The following WWOX variants were observed in gnomAD, a reference collection of about 807,000 sequenced individuals.
WWOX encodes WW domain-containing oxidoreductase.
In WWOX, 69 loss-of-function variants were observed where a neutral mutation model predicts 46.2. That is an observed-to-expected ratio of 1.49 (90% CI 1.23 to 1.82). The LOEUF (loss-of-function observed/expected upper bound fraction) is 1.82. Among genes scored for constraint, WWOX ranks in the 40% most tolerant of loss-of-function variants. The pLI, the probability that WWOX is intolerant of heterozygous loss-of-function variation, is 0.00. For synonymous variants in WWOX, 359 were observed against 202.6 expected (o/e 1.77, Z -6.56); for missense variants, 919 against 542.6 (o/e 1.69, Z -6.89).
chr16:78,794,764 C>G (rs769092338), intron 8 of WWOX, among the ~76,000 whole-genome samples: 2 of 152,142 alleles, frequency 1.3e-5, no homozygotes, highest in Non-Finnish European at 2.9e-5. Context: ...AGATGGAGAC[C>G]CATGTGTTCA....
chr16:78,293,823 A>G (rs991125257), intron 5 of WWOX, among the ~76,000 whole-genome samples: 1 of 151,702 alleles, frequency 6.6e-6, no homozygotes, highest in Non-Finnish European at 1.5e-5. Flanking sequence ...TAAAAATACA[A>G]AAATTAGCCA....
chr16:78,334,833 T>TACACAC (rs907694061), intron 5 of WWOX, among the ~76,000 whole-genome samples: 11 of 104,452 alleles, frequency 1.1e-4, no homozygotes, highest in South Asian at 4.1e-4. Context: ...CACACACACA[T>TACACAC]ACACACACAC....
At chr16:78,550,047 G>A (rs1844437613) in intron 8 of WWOX, among the ~76,000 whole-genome samples, 1 of 152,196 alleles carries the variant, frequency 6.6e-6, no homozygotes, top group Non-Finnish European at 1.5e-5. Flanking sequence ...AATGTTCATG[G>A]TTGAATGAAG....
At chr16:78,643,288 T>C (rs938937868) in intron 8 of WWOX, among the ~76,000 whole-genome samples, 62 of 152,170 alleles carry the variant, frequency 4.1e-4, no homozygotes, top group Non-Finnish European at 4.4e-5. Flanking sequence ...CCAAGCATAG[T>C]CATATTTGGC....
chr16:78,596,770 A>G (rs2045501099), intron 8 of WWOX, among the ~76,000 whole-genome samples: 1 of 151,798 alleles, frequency 6.6e-6, no homozygotes, highest in Non-Finnish European at 1.5e-5. Flanking sequence ...GTGAGTACAC[A>G]GCCATGAAAA....
At chr16:79,117,818 A>G (rs1307616761) in intron 8 of WWOX, among the ~76,000 whole-genome samples, 1 of 152,178 alleles carries the variant, frequency 6.6e-6, no homozygotes, top group Non-Finnish European at 1.5e-5. Context: ...TTTCTTCTGC[A>G]GCTTCCTCAC....
chr16:79,145,820 GA>G (rs756241222), intron 8 of WWOX, among the ~76,000 whole-genome samples: 59 of 151,924 alleles, frequency 3.9e-4, no homozygotes, highest in African/African-American at 1.4e-3. Flanking sequence ...GATGGAGATA[GA>G]AAAAAACCCC....
intron 6 of WWOX, among the ~76,000 whole-genome samples, chr16:78,409,179 A>G (rs1019128104): frequency 3.3e-5 from 5 of 152,208 alleles, no homozygotes; most frequent in African/African-American, 4.8e-5. Flanking sequence ...TTAGAAATAC[A>G]GAAAGTCCTA....
At chr16:78,333,196 G>C (rs1216239275) in intron 5 of WWOX, among the ~76,000 whole-genome samples, 1 of 151,348 alleles carries the variant, frequency 6.6e-6, no homozygotes, top group East Asian at 1.9e-4. Context: ...GACTACAGGA[G>C]CATACTCCCA....
At chr16:79,119,224 A>C (rs889461810) in intron 8 of WWOX, among the ~76,000 whole-genome samples, 1 of 152,200 alleles carries the variant, frequency 6.6e-6, no homozygotes, top group African/African-American at 2.4e-5. Context: ...TATGATAAAC[A>C]AACAAATGGT....
chr16:78,320,857 G>T (rs1194071621), intron 5 of WWOX, among the ~76,000 whole-genome samples: 1 of 152,150 alleles, frequency 6.6e-6, no homozygotes, highest in African/African-American at 2.4e-5. Context: ...TTTAATTGAA[G>T]CCATGACTTG....
At chr16:78,759,926 C>T (rs1567541547) in intron 8 of WWOX, among the ~76,000 whole-genome samples, 1 of 152,176 alleles carries the variant, frequency 6.6e-6, no homozygotes, top group Non-Finnish European at 1.5e-5. Flanking sequence ...CTAATCTCTG[C>T]TTTCACTATC....
intron 8 of WWOX, among the ~76,000 whole-genome samples, chr16:78,717,307 C>G (rs1037168764): frequency 6.6e-6 from 1 of 152,150 alleles, no homozygotes; most frequent in African/African-American, 2.4e-5. Context: ...GGAGAGACAG[C>G]ATAATAATTA....
chr16:78,554,691 C>T (rs1292152400), intron 8 of WWOX, among the ~76,000 whole-genome samples: 2 of 152,166 alleles, frequency 1.3e-5, no homozygotes, highest in East Asian at 1.9e-4. Context: ...TTGAATAGGA[C>T]CGTAGAGGTG....
chr16:79,123,593 C>G (rs891158447), intron 8 of WWOX, among the ~76,000 whole-genome samples: 2 of 152,082 alleles, frequency 1.3e-5, no homozygotes, highest in African/African-American at 4.8e-5. Flanking sequence ...TCTCATCTAA[C>G]AGGCAGTAGT....
chr16:78,876,320 G>C (rs2044232963), intron 8 of WWOX, among the ~76,000 whole-genome samples: 3 of 151,644 alleles, frequency 2.0e-5, no homozygotes, highest in African/African-American at 7.3e-5. Flanking sequence ...TTATGGCCAT[G>C]CCCTTTCTTC....
intron 8 of WWOX, among the ~76,000 whole-genome samples, chr16:78,997,746 C>T (rs1411083543): frequency 6.6e-6 from 1 of 152,072 alleles, no homozygotes; most frequent in Admixed American, 6.6e-5. Context: ...TTCAAGCTGG[C>T]TTTAGAGAGG....
intron 8 of WWOX, among the ~76,000 whole-genome samples, chr16:78,799,606 G>T (rs2050832054): frequency 1.0e-5 from 1 of 99,192 alleles, no homozygotes; most frequent in South Asian, 4.4e-4. Context: ...ACTTGGCCAA[G>T]GTCACATGGC....
intron 8 of WWOX, among the ~76,000 whole-genome samples, chr16:78,687,261 A>G (rs934204603): frequency 1.3e-5 from 2 of 152,222 alleles, no homozygotes; most frequent in Non-Finnish European, 2.9e-5. Flanking sequence ...TGAACCCAAT[A>G]TGTTCTTAAC....
Sources: gnomAD v4.1 joint callset for allele counts (sites outside exome capture counted in the v4.1 genomes callset) on GRCh38, gnomAD v4.1.1 for gene constraint, MANE v1.5 for transcripts, NCBI Gene and HGNC (gene_info 2026-07-23, HGNC 2026-07-21) for gene names.